Variants in PPP1R10 observed in about 807,000 individuals in gnomAD.
PPP1R10 encodes the protein serine/threonine-protein phosphatase 1 regulatory subunit 10.
A neutral mutation model predicts 99.0 loss-of-function variants in PPP1R10; 15 were observed. The ratio of observed to expected loss-of-function variants is 0.15; its 90% confidence interval spans 0.10 to 0.23. The LOEUF (loss-of-function observed/expected upper bound fraction) is 0.23, where lower values mean the gene tolerates loss of function less well. Among genes scored for constraint, PPP1R10 ranks in the 10% least tolerant of loss-of-function variants. The pLI is 1.00. For synonymous variants in PPP1R10, 430 were observed against 449.5 expected (o/e 0.96, Z 0.55); for missense variants, 947 against 1,259.4 (o/e 0.75, Z 3.75).
At chr6:30,614,112 T>C (rs762969156) in intron 2 of PPP1R10, among the ~76,000 whole-genome samples, 4 of 151,900 alleles carry the variant, frequency 2.6e-5, no homozygotes. Context: ...CTTTGAAAAA[T>C]TTGGGGGAAG....
At chr6:30,610,515 T>C (rs770579042) in intron 2 of PPP1R10, among the ~76,000 whole-genome samples, 6 of 152,234 alleles carry the variant, frequency 3.9e-5, no homozygotes, top group South Asian at 2.1e-4. Context: ...GCTGAAGTGG[T>C]AGATGATGGA....
intron 16 of PPP1R10, 61 bp from the exon 17 acceptor site, chr6:30,603,346 T>C (rs1034910397): frequency 4.4e-5 from 70 of 1,582,978 alleles, no homozygotes; most frequent in Admixed American, 1.7e-4. Context: ...TGGCGAAAGA[T>C]AGCGCCAAAG....
In PPP1R10 at chr6:30,601,576, C is replaced by T. The variant is rs150463278; in HGVS notation, c.2796G>A (p.Pro932=). 11 of 1,613,950 alleles carry T rather than the reference C, an allele frequency of 6.8e-6. No individual in the cohort carries two copies. The highest frequency in any genetic ancestry group is 1.6e-4 in the Middle Eastern group (1 of 6,082). Residue 932 remains proline, a synonymous_variant, in exon 20 of 20, where the codon CCG becomes CCA. Coordinates refer to ENST00000376511, the MANE Select transcript of PPP1R10 (RefSeq NM_002714.4). The stretch of plus-strand genomic sequence containing the variant: ...AGGGCAGGGGGGGCCCATTGACACC[C>T]GGGTGGTAGAAGGCACAGTTGTTCT... ...RYENNCAFYH[P]GVNGPPLP
intron 2 of PPP1R10, among the ~76,000 whole-genome samples, chr6:30,613,263 T>C (rs2127450817): frequency 6.6e-6 from 1 of 152,250 alleles, no homozygotes; most frequent in South Asian, 2.1e-4. Flanking sequence ...CCATCACCAA[T>C]GAAACAGGAC....
In PPP1R10 at chr6:30,600,600, G is replaced by C. The variant is rs1194103433; in HGVS notation, c.*949C>G. ...TGGGAAAGGGCAAAATCATCTTGTT[G>C]AATCCACCCAGGAAGGCGCCTGGTG... On this transcript the variant is annotated 3_prime_UTR_variant, in exon 20 of 20. Coordinates refer to ENST00000376511, the MANE Select transcript of PPP1R10 (RefSeq NM_002714.4). 1 of 152,578 alleles carries C rather than the reference G, an allele frequency of 6.6e-6. No homozygotes were observed. 9.5% of individuals were successfully genotyped at this position (152,578 alleles called of 1,614,324 possible). A position where few individuals can be genotyped will look rare whatever the true frequency, so the allele number is the denominator to read the frequency against.
In PPP1R10 at chr6:30,601,662, TG is replaced by T. The variant is rs1428857913; in HGVS notation, c.2714-5del. ...CAGACAGGGCGGTTTGACATGTCTG[TG>T]GGAACGATGGCAAAACAGTTAGACA... On this transcript the variant is annotated splice_polypyrimidine_tract_variant and splice_region_variant and intron_variant, in intron 19 of 19. Coordinates refer to ENST00000376511, the MANE Select transcript of PPP1R10 (RefSeq NM_002714.4). 6.2e-7 allele frequency: 1 copy of T among 1,612,714 alleles called. No individual in the cohort carries two copies. The highest frequency in any genetic ancestry group is 8.5e-7 in the Non-Finnish European group (1 of 1,178,962).
chr6:30,614,772 G>T (rs868599952), intron 2 of PPP1R10, among the ~76,000 whole-genome samples: 2 of 152,076 alleles, frequency 1.3e-5, no homozygotes, highest in East Asian at 3.9e-4. Flanking sequence ...TTTCACCCCT[G>T]GCAGCTGAAG....
chr6:30,606,704 A>G lies in PPP1R10; in HGVS notation c.461-63T>C. 6.2e-7 allele frequency: 1 copy of G among 1,611,314 alleles called. No individual in the cohort carries two copies. The highest frequency in any genetic ancestry group is 1.1e-5 in the South Asian group (1 of 91,020). On this transcript the variant is annotated intron_variant, in intron 7 of 19. Coordinates refer to ENST00000376511, the MANE Select transcript of PPP1R10 (RefSeq NM_002714.4). The surrounding 1 kb of genome is among the most constrained non-coding windows in gnomAD (Gnocchi z 6.3). ...AGATGAACACTGTCAGAGGTGAAGCAGACTGGGAGCACCTAAAGGCCACAT... is the reference window on the plus strand; with the variant it reads ...AGATGAACACTGTCAGAGGTGAAGCGGACTGGGAGCACCTAAAGGCCACAT...
rs754959022 is a variant in PPP1R10, at chr6:30,601,917, GGA to G, written c.2713+17_2713+18del. The G allele has an allele frequency of 8.7e-6, 13 of 1,493,344 alleles. No individual in the cohort carries two copies. Among genetic ancestry groups the G allele is most frequent in the Non-Finnish European group, 1.2e-5 (13 of 1,123,728 alleles). The allele number at this position is 1,493,344 out of a possible 1,614,324, so 92.5% of individuals were successfully genotyped here. On this transcript the variant is annotated intron_variant, in intron 19 of 19. Coordinates refer to ENST00000376511, the MANE Select transcript of PPP1R10 (RefSeq NM_002714.4). ...ATGGGACAACCAAAAGGCATATGGGGGACAGGGAGCATCCTCACCTCCTCCAT... is the reference window on the plus strand; with the variant it reads ...ATGGGACAACCAAAAGGCATATGGGGCAGGGAGCATCCTCACCTCCTCCAT...
In PPP1R10 at chr6:30,602,386, C is replaced by T. The variant is rs772675490; in HGVS notation, c.2263G>A (p.Glu755Lys). Residue 755 changes from glutamate to lysine, a missense_variant, in exon 19 of 20, where the codon GAA becomes AAA. Around this residue, in one of 10 missense-constraint regions of PPP1R10, gnomAD observed 525 missense variants for 578.8 expected, o/e 0.91. Coordinates refer to ENST00000376511, the MANE Select transcript of PPP1R10 (RefSeq NM_002714.4). This position sits in a 1 kb window ranked among gnomAD's most constrained non-coding sequence, Gnocchi z 6.7. ...TTGCCCATGCCCCCACCAGGGCCTT[C>T]GTGAGGACGATGCCCACCACCTCCA... ...MVGGGGHRPH[E>K]GPGGGMGNSS... 1.9e-6 allele frequency: 3 copies of T among 1,612,752 alleles called. No homozygotes were observed. The highest frequency in any genetic ancestry group is 1.3e-5 in the African/African-American group (1 of 74,906).
At position 30,601,549 on chromosome 6, in the gene PPP1R10, C is replaced by T. The variant is rs9468791; in HGVS notation, c.2823G>A (p.Ter941=). 2 of 1,613,734 alleles carry T rather than the reference C, an allele frequency of 1.2e-6. No homozygotes were observed. The highest frequency in any genetic ancestry group is 1.1e-5 in the South Asian group (1 of 91,070). Residue 941 remains the stop codon, a stop_retained_variant, in exon 20 of 20, where the codon TAG becomes TAA. Transcript: ENST00000376511. ...TGTGAACAGGGCAGGCAAATGGTCC[C>T]TAGGGCAGGGGGGGCCCATTGACAC... ...HPGVNGPPLP[*]
intron 2 of PPP1R10, among the ~76,000 whole-genome samples, chr6:30,612,116 CTCTA>C (rs1195939057): frequency 6.6e-6 from 1 of 152,114 alleles, no homozygotes; most frequent in Admixed American, 6.6e-5. Context: ...AACTCCCTCT[CTCTA>C]TATATACACA....
chr6:30,613,806 G>C (rs1561851943), intron 2 of PPP1R10, among the ~76,000 whole-genome samples: 1 of 152,182 alleles, frequency 6.6e-6, no homozygotes, highest in Non-Finnish European at 1.5e-5. Flanking sequence ...CCAGTGGGTA[G>C]AATGTTCAGC....
In PPP1R10 at chr6:30,610,069, T is replaced by C. The variant is rs1804399440; in HGVS notation, c.-11-114A>G. ...ATATTTGACAAAGTATAATGACTAA[T>C]TATTCAACTATGCTATTTTTTAGAT... On this transcript the variant is annotated intron_variant, in intron 2 of 19. Coordinates refer to ENST00000376511, the MANE Select transcript of PPP1R10 (RefSeq NM_002714.4). 3 of 683,130 alleles carry C rather than the reference T, an allele frequency of 4.4e-6. No homozygotes were observed. In the South Asian group the frequency reaches 5.2e-5, roughly 12 times the overall value. 42.3% of individuals were successfully genotyped at this position (683,130 alleles called of 1,614,324 possible).
chr6:30,601,846 C>CT (rs1377931493), intron 19 of PPP1R10, 90 bp downstream of exon 19: 1 of 1,427,374 alleles, frequency 7.0e-7, no homozygotes, highest in African/African-American at 1.4e-5. Context: ...CACGTTCTGC[C>CT]TAGCTACCAA....
At chr6:30,601,860 T>C (rs549550756) in intron 19 of PPP1R10, 76 bp downstream of exon 19, 44 of 1,440,056 alleles carry the variant, frequency 3.1e-5, no homozygotes, top group Non-Finnish European at 3.9e-5. Context: ...CTACCAACAG[T>C]AGTGACTCTC....
intron 2 of PPP1R10, among the ~76,000 whole-genome samples, chr6:30,612,363 T>G (rs1297368180): frequency 6.6e-6 from 1 of 152,154 alleles, no homozygotes; most frequent in Admixed American, 6.5e-5. Context: ...CAAGTGTTCC[T>G]TAAGAGGATG....
chr6:30,602,728 C>T lies in PPP1R10; in HGVS notation c.1958-37G>A. On this transcript the variant is annotated intron_variant, in intron 18 of 19. Transcript: ENST00000376511. This position sits in a 1 kb window ranked among gnomAD's most constrained non-coding sequence, Gnocchi z 6.7. ...CAAAAAAGAGAGACAGTATCAGCTA[C>T]CAGGAACTGCCATCTCCCAACCTAA... The T allele has an allele frequency of 6.3e-7, 1 of 1,591,156 alleles. No individual in the cohort carries two copies. The highest frequency in any genetic ancestry group is 8.6e-7 in the Non-Finnish European group (1 of 1,169,110).
intron 6 of PPP1R10, 108 bp downstream of exon 6, chr6:30,607,732 G>T: frequency 8.1e-7 from 1 of 1,228,268 alleles, no homozygotes; most frequent in Non-Finnish European, 1.2e-6. Flanking sequence ...GCAAGGTGAG[G>T]TAGAAAGAGA....
Sources: gnomAD v4.1 joint callset for allele counts (sites outside exome capture counted in the v4.1 genomes callset) on GRCh38, gnomAD v4.1.1 for gene constraint, gnomAD v4.1.1 regional missense constraint, Gnocchi (gnomAD v3.1) non-coding constraint, MANE v1.5 for transcripts, NCBI Gene and HGNC (gene_info 2026-07-23, HGNC 2026-07-21) for gene names.